ATRNL1: variants seen among roughly 807,000 people sequenced by gnomAD.
The protein encoded by ATRNL1 is attractin-like protein 1.
In ATRNL1, 95 loss-of-function variants were observed where a neutral mutation model predicts 182.7. That is an observed-to-expected ratio of 0.52 (90% CI 0.44 to 0.62). ATRNL1 has a LOEUF of 0.62. ATRNL1 is among the 20% of genes least tolerant of loss of function. ATRNL1 has a pLI of 0.00. For synonymous variants in ATRNL1, 576 were observed against 568.3 expected (o/e 1.01, Z -0.19); for missense variants, 1,471 against 1,679.5 (o/e 0.88, Z 2.17).
chr10:115,568,927 A>C (rs1854224478), intron 26 of ATRNL1, among the ~76,000 whole-genome samples: 1 of 152,048 alleles, frequency 6.6e-6, no homozygotes, highest in South Asian at 2.1e-4. Flanking sequence ...GCAAATGTGT[A>C]AACATGTATC....
intron 8 of ATRNL1, among the ~76,000 whole-genome samples, chr10:115,195,466 G>A (rs1554890824): frequency 6.6e-6 from 1 of 152,026 alleles, no homozygotes; most frequent in Non-Finnish European, 1.5e-5. Flanking sequence ...TGAGAAGTCT[G>A]CTGCCAGATA....
chr10:115,768,881 A>G (rs1470816657), intron 27 of ATRNL1, among the ~76,000 whole-genome samples: 2 of 152,086 alleles, frequency 1.3e-5, no homozygotes, highest in Non-Finnish European at 2.9e-5. Context: ...GACACTTCCT[A>G]TATAAATTAT....
At chr10:115,413,439 T>C (rs1257698454) in intron 20 of ATRNL1, among the ~76,000 whole-genome samples, 1 of 152,186 alleles carries the variant, frequency 6.6e-6, no homozygotes, top group African/African-American at 2.4e-5. Context: ...CCAACTCCTA[T>C]GGTAGACTCC....
At chr10:115,727,036 T>C (rs1555060335) in intron 26 of ATRNL1, among the ~76,000 whole-genome samples, 2 of 152,110 alleles carry the variant, frequency 1.3e-5, no homozygotes, top group Admixed American at 6.5e-5. Flanking sequence ...GAAAAGTTAT[T>C]TGTAGGCACC....
chr10:115,929,813 T>C (rs782453378), intron 28 of ATRNL1, among the ~76,000 whole-genome samples: 11 of 152,150 alleles, frequency 7.2e-5, no homozygotes, highest in Non-Finnish European at 1.2e-4. Context: ...ACAAAACATA[T>C]GTCAATATGT....
At chr10:115,209,066 G>T (rs550672475) in intron 8 of ATRNL1, among the ~76,000 whole-genome samples, 96 of 151,712 alleles carry the variant, frequency 6.3e-4, no homozygotes, top group African/African-American at 2.2e-3. Flanking sequence ...TATAACAAGA[G>T]TTCTTCATTA....
intron 26 of ATRNL1, among the ~76,000 whole-genome samples, chr10:115,667,886 A>G (rs1487018895): frequency 6.6e-6 from 1 of 151,860 alleles, no homozygotes; most frequent in African/African-American, 2.4e-5. Flanking sequence ...GCTTGTCTCA[A>G]ATCCCTGGGC....
chr10:115,361,368 G>C (rs1466629748), intron 19 of ATRNL1, among the ~76,000 whole-genome samples: 1 of 151,676 alleles, frequency 6.6e-6, no homozygotes, highest in South Asian at 2.1e-4. Context: ...TATAGTTTCG[G>C]CATTTATCTT....
chr10:115,261,512 A>G (rs1554908824), intron 10 of ATRNL1, among the ~76,000 whole-genome samples: 1 of 152,184 alleles, frequency 6.6e-6, no homozygotes, highest in African/African-American at 2.4e-5. Context: ...TTTACAAAGT[A>G]AATGAAATTG....
intron 27 of ATRNL1, among the ~76,000 whole-genome samples, chr10:115,759,361 G>A (rs1007138285): frequency 3.3e-5 from 5 of 152,066 alleles, no homozygotes; most frequent in Admixed American, 1.3e-4. Flanking sequence ...GTTGTGGAGG[G>A]CCGATCTGTG....
chr10:115,233,369 A>C (rs1554900448), intron 9 of ATRNL1, among the ~76,000 whole-genome samples: 1 of 152,086 alleles, frequency 6.6e-6, no homozygotes, highest in Non-Finnish European at 1.5e-5. Flanking sequence ...AAGGCAATTG[A>C]TTTTTTATTA....
chr10:115,771,419 A>T (rs1197727471), intron 27 of ATRNL1, among the ~76,000 whole-genome samples: 5 of 151,874 alleles, frequency 3.3e-5, no homozygotes, highest in Admixed American at 3.3e-4. Flanking sequence ...TTTAGTAGAA[A>T]CGGGGTTTCA....
intron 27 of ATRNL1, among the ~76,000 whole-genome samples, chr10:115,839,271 C>T (rs1589586101): frequency 6.6e-6 from 1 of 152,082 alleles, no homozygotes; most frequent in Non-Finnish European, 1.5e-5. Context: ...AGGGATGATG[C>T]GCACATCTTG....
intron 26 of ATRNL1, among the ~76,000 whole-genome samples, chr10:115,713,673 T>TTTTC (rs1947141104): frequency 1.3e-5 from 1 of 74,882 alleles, no homozygotes; most frequent in Non-Finnish European, 2.8e-5. Context: ...TCAGGTTCTG[T>TTTTC]TTTCTATCTA....
At chr10:115,558,822 G>T (rs571836433) in intron 26 of ATRNL1, among the ~76,000 whole-genome samples, 3 of 152,026 alleles carry the variant, frequency 2.0e-5, no homozygotes, top group African/African-American at 7.3e-5. Flanking sequence ...TTCTCAGTAA[G>T]AACAGCAAAT....
chr10:115,098,453 CTTTTTTTTT>C (rs71010006), intron 1 of ATRNL1, among the ~76,000 whole-genome samples: 16 of 80,744 alleles, frequency 2.0e-4, no homozygotes, highest in African/African-American at 1.0e-3. Context: ...ATACTAGTTT[CTTTTTTTTT>C]TTTTTTTTTT....
chr10:115,574,207 TATAC>T (rs1854573659), intron 26 of ATRNL1, among the ~76,000 whole-genome samples: 1 of 151,170 alleles, frequency 6.6e-6, no homozygotes, highest in Non-Finnish European at 1.5e-5. Flanking sequence ...TGTATCTATA[TATAC>T]AAATATAACT....
chr10:115,641,410 A>G (rs1429207879), intron 26 of ATRNL1, among the ~76,000 whole-genome samples: 7 of 152,312 alleles, frequency 4.6e-5, no homozygotes, highest in East Asian at 3.9e-4. Context: ...GGCTTTTACT[A>G]TAAAGAAGTC....
intron 26 of ATRNL1, among the ~76,000 whole-genome samples, chr10:115,565,006 T>G (rs913151479): frequency 1.3e-5 from 2 of 152,012 alleles, no homozygotes; most frequent in Non-Finnish European, 2.9e-5. Flanking sequence ...TTTGAACACT[T>G]TATATCTTTA....
Sources: allele counts gnomAD v4.1 joint callset (sites outside exome capture counted in the v4.1 genomes callset), GRCh38; gene constraint gnomAD v4.1.1; transcripts MANE v1.5; gene names NCBI Gene and HGNC (gene_info 2026-07-23, HGNC 2026-07-21).